Variants in STRBP observed in about 807,000 individuals in gnomAD.
STRBP encodes the protein spermatid perinuclear RNA binding protein.
In STRBP, 13 loss-of-function variants were observed where a neutral mutation model predicts 80.1. The ratio of observed to expected loss-of-function variants is 0.16; its 90% CI spans 0.11 to 0.26. The LOEUF is 0.26. Among genes scored for constraint, STRBP ranks in the 10% least tolerant of loss-of-function variants. STRBP has a pLI of 1.00. For synonymous variants in STRBP, 284 were observed against 291.2 expected (o/e 0.98, Z 0.25); for missense variants, 485 against 815.2 (o/e 0.59, Z 4.93).
At chr9:123,256,529 TAAATA>T (rs2041034860) in intron 1 of STRBP, among the ~76,000 whole-genome samples, 1 of 152,156 alleles carries the variant, frequency 6.6e-6, no homozygotes, top group Admixed American at 6.5e-5. Context: ...ACCAAACTTC[TAAATA>T]AAAACCAAAA....
chr9:123,173,556 C>T (rs1191781962), intron 5 of STRBP, 121 bp downstream of exon 5: 2 of 999,630 alleles, frequency 2.0e-6, no homozygotes, highest in African/African-American at 3.3e-5. Flanking sequence ...AGTAGCAGTA[C>T]TCATTTTGTC....
rs117041822 is a variant in STRBP, at chr9:123,149,429, C to T, written c.1046-1559G>A. Among the ~76,000 whole-genome samples the T allele has an allele frequency of 6.6e-5, 10 of 152,314 alleles. No homozygotes were observed. In the East Asian group the frequency reaches 1.7e-3, roughly 26 times the overall value. On this transcript the variant is annotated intron_variant, in intron 11 of 18. Transcript: ENST00000348403. ...AATCACTCTTCTGCTCATTAAGTTA[C>T]ATTAAAAGCAGCTTCTTGATTGCCT...
intron 11 of STRBP, among the ~76,000 whole-genome samples, chr9:123,156,822 AAGTAG>A (rs2132385406): frequency 6.6e-6 from 1 of 152,220 alleles, no homozygotes; most frequent in Admixed American, 6.5e-5. Context: ...TGATATCTAA[AAGTAG>A]AGTAATTTCC....
chr9:123,233,922 C>T (rs568851468), intron 2 of STRBP, among the ~76,000 whole-genome samples: 28 of 152,216 alleles, frequency 1.8e-4, no homozygotes, highest in African/African-American at 5.8e-4. Flanking sequence ...AAAACTAGGC[C>T]GGGCGCGGTG....
chr9:123,231,486 C>T (rs542897926), intron 2 of STRBP, among the ~76,000 whole-genome samples: 1 of 152,134 alleles, frequency 6.6e-6, no homozygotes, highest in South Asian at 2.1e-4. Context: ...TAGTTATCAG[C>T]CAAATCAAGA....
chr9:123,228,541 T>A (rs1415284683), intron 2 of STRBP, among the ~76,000 whole-genome samples: 12 of 152,160 alleles, frequency 7.9e-5, no homozygotes, highest in Admixed American at 7.9e-4. Context: ...TACGGAGGAA[T>A]GAATAATTGT....
At chr9:123,114,911 T>C in intron 3 of STRBP, 1 of 306,734 alleles carries the variant, frequency 3.3e-6, no homozygotes, top group Non-Finnish European at 6.7e-6. Context: ...CATTCCTGCC[T>C]CTCCATCCCT....
At chr9:123,239,628 A>T (rs2132602547) in intron 1 of STRBP, among the ~76,000 whole-genome samples, 1 of 152,368 alleles carries the variant, frequency 6.6e-6, no homozygotes, top group Non-Finnish European at 1.5e-5. Flanking sequence ...AAGGACTGTC[A>T]TCTCTTTTTC....
At chr9:123,195,702 C>G (rs945119499) in intron 2 of STRBP, among the ~76,000 whole-genome samples, 4 of 151,908 alleles carry the variant, frequency 2.6e-5, no homozygotes, top group African/African-American at 9.7e-5. Context: ...GAAGAGGACA[C>G]AAAAAAATTG....
intron 4 of STRBP, among the ~76,000 whole-genome samples, chr9:123,178,244 A>G (rs1374947430): frequency 6.6e-6 from 1 of 152,260 alleles, no homozygotes; most frequent in Non-Finnish European, 1.5e-5. Context: ...TCTTTCACTT[A>G]CAAATTATAG....
intron 2 of STRBP, among the ~76,000 whole-genome samples, chr9:123,225,551 CA>C (rs1191319478): frequency 6.6e-6 from 1 of 152,178 alleles, no homozygotes; most frequent in Non-Finnish European, 1.5e-5. Flanking sequence ...GATTCAAAAG[CA>C]AATGACTCAA....
At chr9:123,221,556 A>G (rs887012973) in intron 2 of STRBP, among the ~76,000 whole-genome samples, 11 of 152,258 alleles carry the variant, frequency 7.2e-5, no homozygotes, top group Non-Finnish European at 5.9e-5. Flanking sequence ...GTTCATCAAT[A>G]GTTAACGTTT....
intron 4 of STRBP, 143 bp downstream of exon 4, chr9:123,178,864 T>C (rs2038333908): frequency 1.6e-6 from 1 of 636,216 alleles, no homozygotes; most frequent in South Asian, 2.7e-5. Flanking sequence ...AAAATCTCCA[T>C]GTAACATTTA....
Position 123,184,385 on chromosome 9 carries a change from AT to A in STRBP, c.-164-88del, listed in dbSNP as rs1317799871. The A allele has an allele frequency of 9.1e-6, 3 of 328,358 alleles. No homozygotes were observed. The Admixed American group carries it at 1.4e-4, about 16-fold the overall frequency. 20.3% of individuals were successfully genotyped at this position (328,358 alleles called of 1,614,324 possible). On this transcript the variant is annotated intron_variant, in intron 2 of 18. Coordinates refer to ENST00000348403, the MANE Select transcript of STRBP (RefSeq NM_018387.5). ...TGTGCAACCCATAAACATGTTCCTG[AT>A]TAAAAAGAAATAAACTCAATAGAGG...
Position 123,125,507 on chromosome 9 carries a change from G to T in STRBP, c.*90C>A. ...TACAAATAATTTTGATCAAGTATGT[G>T]TTCAAAGAAAGCAGGATAAAAAGGC... On this transcript the variant is annotated 3_prime_UTR_variant, in exon 19 of 19. Transcript: ENST00000348403. 1 of 1,365,164 alleles carries T rather than the reference G, an allele frequency of 7.3e-7. No individual in the cohort carries two copies. The highest frequency in any genetic ancestry group is 2.7e-5 in the East Asian group (1 of 37,188). The allele number at this position is 1,365,164 out of a possible 1,614,324, so 84.6% of individuals were successfully genotyped here. A position where few individuals can be genotyped will look rare whatever the true frequency, so the allele number is the denominator to read the frequency against.
intron 11 of STRBP, among the ~76,000 whole-genome samples, chr9:123,148,461 A>G (rs1411172630): frequency 6.6e-6 from 1 of 152,218 alleles, no homozygotes; most frequent in African/African-American, 2.4e-5. Flanking sequence ...CAGACAGCAT[A>G]TATTCACGTT....
chr9:123,147,895 T>C, intron 11 of STRBP, 25 bp from the exon 12 acceptor site: 1 of 1,589,032 alleles, frequency 6.3e-7, no homozygotes, highest in Non-Finnish European at 8.6e-7. Flanking sequence ...GAGGGATTCA[T>C]TATCAGTCAA....
At chr9:123,182,217 TAAAAAAAAAAAAA>T (rs10546358) in intron 3 of STRBP, among the ~76,000 whole-genome samples, 23,424 of 72,076 alleles carry the variant, frequency 0.32, 3,244 homozygotes, top group East Asian at 0.73. Context: ...TCCGTTTCTT[TAAAAAAAAAAAAA>T]AAAAAAAAAA....
At chr9:123,156,518 T>C (rs1396302762) in intron 11 of STRBP, among the ~76,000 whole-genome samples, 2 of 152,218 alleles carry the variant, frequency 1.3e-5, no homozygotes, top group East Asian at 3.9e-4. Context: ...GTGGGTAATA[T>C]CTGTCAATAT....
Sources: allele counts gnomAD v4.1 joint callset (sites outside exome capture counted in the v4.1 genomes callset), GRCh38; gene constraint gnomAD v4.1.1; transcripts MANE v1.5; gene names NCBI Gene and HGNC (gene_info 2026-07-23, HGNC 2026-07-21).